Variants in NELL1 observed in about 807,000 individuals in gnomAD.
NELL1 encodes the protein protein kinase C-binding protein NELL1.
Under a neutral mutation model 107.4 loss-of-function variants are expected in NELL1, and 76 were observed. The observed-to-expected ratio is 0.71, with a 90% CI of 0.59 to 0.86. The LOEUF is 0.86. NELL1 is among the 40% of genes least tolerant of loss of function. NELL1 has a pLI of 0.00. For synonymous variants in NELL1, 353 were observed against 341.2 expected, an observed-to-expected ratio of 1.03 and a Z score of -0.38; for missense variants, 1,024 against 1,005.5, an observed-to-expected ratio of 1.02 and a Z score of -0.25.
At chr11:20,996,795 C>T (rs1163985689) in intron 12 of NELL1, among the ~76,000 whole-genome samples, 1 of 152,130 alleles carries the variant, frequency 6.6e-6, no homozygotes, top group Non-Finnish European at 1.5e-5. Flanking sequence ...CCTCTGCCCT[C>T]TCTAGGGTTT....
chr11:20,914,064 A>G (rs1345677449), intron 5 of NELL1, among the ~76,000 whole-genome samples: 1 of 152,098 alleles, frequency 6.6e-6, no homozygotes, highest in East Asian at 1.9e-4. Context: ...GATCCCTTAA[A>G]TTATATATTT....
chr11:21,377,941 T>C (rs1293745760), intron 15 of NELL1, among the ~76,000 whole-genome samples: 1 of 152,016 alleles, frequency 6.6e-6, no homozygotes, highest in East Asian at 1.9e-4. Flanking sequence ...GTTCAGATAA[T>C]TCTTTATTGT....
rs57994259 is a variant in NELL1 at position 21,435,445 on chromosome 11, G to GT, written c.1645+64507dup. ...TAGCTTTTATTGTTTTTTGTTTTTT[G>GT]TTTTTTTTTTACCATGAAGAGATGT... On this transcript the variant is annotated intron_variant, in intron 15 of 19. Transcript: ENST00000357134. Among the ~76,000 whole-genome samples the GT allele has an allele frequency of 3.8e-3, 526 of 137,724 alleles. 7 individuals are homozygous for GT. Among genetic ancestry groups the GT allele is most frequent in the South Asian group, 0.038 (163 of 4,330 alleles). The allele number at this position is 137,724 out of a possible 152,430, so 90.4% of individuals were successfully genotyped here. A position where few individuals can be genotyped will look rare whatever the true frequency, so the allele number is the denominator to read the frequency against.
At chr11:21,447,803 G>A (rs1853471998) in intron 15 of NELL1, among the ~76,000 whole-genome samples, 1 of 152,050 alleles carries the variant, frequency 6.6e-6, no homozygotes. Context: ...ACAACACTAG[G>A]ACTTGCCCAG....
At chr11:21,098,262 G>T (rs1254368926) in intron 12 of NELL1, among the ~76,000 whole-genome samples, 1 of 152,062 alleles carries the variant, frequency 6.6e-6, no homozygotes, top group Non-Finnish European at 1.5e-5. Context: ...CATCTTTTAT[G>T]ACATCTTGTG....
chr11:21,356,801 A>G (rs1385065163), intron 14 of NELL1, among the ~76,000 whole-genome samples: 1 of 151,862 alleles, frequency 6.6e-6, no homozygotes, highest in Admixed American at 6.6e-5. Flanking sequence ...TATCCCTTGA[A>G]CCGCTCCCTC....
Position 21,463,225 on chromosome 11 carries a change from A to C in NELL1, c.1646-71149A>C, listed in dbSNP as rs142234474. On this transcript the variant is annotated intron_variant, in intron 15 of 19. Transcript: ENST00000357134. The stretch of plus-strand genomic sequence containing the variant: ...TGGGTGATTGTTGGCTCCCACCTCC[A>C]GCACTTTGTAAAATTAGAGAGGTGA... Among the ~76,000 whole-genome samples, 808 of 152,190 alleles carry C rather than the reference A, an allele frequency of 5.3e-3. 3 individuals are homozygous for C. The highest frequency in any genetic ancestry group is 0.019 in the African/African-American group (774 of 41,550).
rs71443766 is a variant in NELL1, at chr11:20,938,908, G to GTCTCTCTCTCTCTC, written c.1071+1069_1071+1082dup. On this transcript the variant is annotated intron_variant, in intron 10 of 19. Coordinates refer to ENST00000357134, the MANE Select transcript of NELL1 (RefSeq NM_006157.5). Reference sequence around the variant, plus strand: ...CATTGAAGCTCTCTCTTCTCTCTCTGTCTCTCTCTCTCTCTCTCTCTCTCT... The same window carrying GTCTCTCTCTCTCTC: ...CATTGAAGCTCTCTCTTCTCTCTCTGTCTCTCTCTCTCTCTCTCTCTCTCTCTCTCTCTCTCTCT... Among the ~76,000 whole-genome samples, 177 of 144,618 alleles carry GTCTCTCTCTCTCTC rather than the reference G, an allele frequency of 1.2e-3. 1 individual carries two copies. Among genetic ancestry groups the GTCTCTCTCTCTCTC allele is most frequent in the African/African-American group, 4.0e-3 (152 of 37,888 alleles). The allele number at this position is 144,618 out of a possible 152,430, so 94.9% of individuals were successfully genotyped here.
In NELL1 at chr11:21,570,913, C is replaced by G; in HGVS notation, c.2130C>G (p.Thr710=). The part of the protein sequence containing the change: ...HKLYRSGDNW[T]HSCQQCRCLE... ...TGTATCGAAGTGGAGACAATTGGAC[C>G]CATAGCTGTCAGCAGTGTCGGTGTC... is the stretch of plus-strand genomic sequence containing the variant. The change falls in exon 18 of 20, where the codon ACC becomes ACG. Residue 710 remains threonine (T), a synonymous_variant. Coordinates refer to ENST00000357134, the MANE Select transcript of NELL1 (RefSeq NM_006157.5). 1.2e-6 allele frequency: 2 copies of G among 1,611,424 alleles called. No individual in the cohort carries two copies. The highest frequency in any genetic ancestry group is 2.2e-5 in the South Asian group (2 of 90,952).
chr11:21,257,582 T>C (rs1292933149), intron 14 of NELL1, among the ~76,000 whole-genome samples: 1 of 151,950 alleles, frequency 6.6e-6, no homozygotes, highest in Non-Finnish European at 1.5e-5. Context: ...TGAACTGATT[T>C]GGAGGGGAAG....
intron 15 of NELL1, among the ~76,000 whole-genome samples, chr11:21,466,907 T>A (rs1267748215): frequency 6.6e-6 from 1 of 151,934 alleles, no homozygotes; most frequent in Non-Finnish European, 1.5e-5. Context: ...ATATGACGGA[T>A]ATGAATATCT....
intron 15 of NELL1, among the ~76,000 whole-genome samples, chr11:21,502,199 T>C (rs1211343824): frequency 7.2e-5 from 11 of 152,192 alleles, no homozygotes; most frequent in Admixed American, 7.2e-4. Context: ...GTGAGCAGTA[T>C]AGGGTAGTAG....
rs185367106 is a variant in NELL1, at chr11:21,130,156, G to C, written c.1426+16442G>C. Among the ~76,000 whole-genome samples the C allele has an allele frequency of 2.2e-3, 330 of 152,022 alleles. 2 individuals carry two copies. The highest frequency in any genetic ancestry group is 7.4e-3 in the African/African-American group (308 of 41,468). ...TAAAATTTCAAATAGTCATCTGCTC[G>C]ATGACTTAGGATTAGGTATGGATGC... On this transcript the variant is annotated intron_variant, in intron 13 of 19. Transcript: ENST00000357134.
intron 14 of NELL1, among the ~76,000 whole-genome samples, chr11:21,296,424 A>ATG (rs5790171): frequency 0.52 from 78,325 of 150,582 alleles, 20,873 homozygotes; most frequent in Non-Finnish European, 0.57. Context: ...TCTGCATTAT[A>ATG]TGTATATATA....
chr11:21,045,563 T>G (rs1253820290), intron 12 of NELL1, among the ~76,000 whole-genome samples: 2 of 152,208 alleles, frequency 1.3e-5, no homozygotes, highest in Admixed American at 1.3e-4. Context: ...TATTAGCATA[T>G]AGAAAGCTCC....
intron 15 of NELL1, among the ~76,000 whole-genome samples, chr11:21,371,193 A>G (rs564044651): frequency 1.2e-4 from 19 of 152,218 alleles, no homozygotes; most frequent in Non-Finnish European, 2.1e-4. Context: ...TTTCTCTGCT[A>G]TAGCTCAGTG....
At chr11:20,724,019 C>G (rs1487462178) in intron 2 of NELL1, among the ~76,000 whole-genome samples, 1 of 107,600 alleles carries the variant, frequency 9.3e-6, no homozygotes, top group Non-Finnish European at 2.2e-5. Context: ...AGCTGGAAGG[C>G]AGGGTGCCAT....
intron 12 of NELL1, among the ~76,000 whole-genome samples, chr11:21,066,764 A>G (rs557138183): frequency 6.6e-6 from 1 of 152,018 alleles, no homozygotes; most frequent in Non-Finnish European, 1.5e-5. Context: ...AGCCTGGCTC[A>G]GCAACATGGT....
chr11:20,984,917 T>G (rs1201327302), intron 12 of NELL1, among the ~76,000 whole-genome samples: 1 of 152,182 alleles, frequency 6.6e-6, no homozygotes, highest in Admixed American at 6.5e-5. Flanking sequence ...AAACCAAGTT[T>G]CAATGAATTT....
Sources: allele counts gnomAD v4.1 joint callset (sites outside exome capture counted in the v4.1 genomes callset), GRCh38; gene constraint gnomAD v4.1.1; transcripts MANE v1.5; gene names NCBI Gene and HGNC (gene_info 2026-07-23, HGNC 2026-07-21).